Variants in PPP4R2 observed in about 807,000 individuals in gnomAD.
PPP4R2 encodes protein phosphatase 4 regulatory subunit 2.
In PPP4R2, 13 loss-of-function variants were observed where a neutral mutation model predicts 47.2. That is an observed-to-expected ratio of 0.28 (90% CI 0.18 to 0.44). The LOEUF (loss-of-function observed/expected upper bound fraction) is 0.44. PPP4R2 is among the 20% of genes least tolerant of loss of function. The pLI, the probability that PPP4R2 is intolerant of heterozygous loss-of-function variation, is 1.00. For synonymous variants in PPP4R2, 151 were observed against 163.3 expected, an observed-to-expected ratio of 0.92 and a Z score of 0.57; for missense variants, 421 against 491.2, an observed-to-expected ratio of 0.86 and a Z score of 1.35.
At chr3:72,997,864 G>T (rs952456893) in intron 1 of PPP4R2, among the ~76,000 whole-genome samples, 1 of 152,170 alleles carries the variant, frequency 6.6e-6, no homozygotes, top group Admixed American at 6.5e-5. Context: ...GTGAAGTTGA[G>T]TGCCCCCTTT....
intron 2 of PPP4R2, among the ~76,000 whole-genome samples, chr3:73,036,783 G>A (rs1702269561): frequency 6.6e-6 from 1 of 151,892 alleles, no homozygotes; most frequent in Non-Finnish European, 1.5e-5. Flanking sequence ...CATAACTCTG[G>A]GATATACTTT....
intron 2 of PPP4R2, among the ~76,000 whole-genome samples, chr3:73,043,805 A>G (rs1483414354): frequency 1.3e-5 from 2 of 152,232 alleles, no homozygotes; most frequent in African/African-American, 4.8e-5. Flanking sequence ...TGTACAATTT[A>G]TTGCCAGTAA....
At chr3:73,010,406 T>C (rs1701698760) in intron 2 of PPP4R2, among the ~76,000 whole-genome samples, 1 of 152,050 alleles carries the variant, frequency 6.6e-6, no homozygotes, top group Admixed American at 6.6e-5. Context: ...TAAAAAGCTT[T>C]ATTGAGAGGC....
At chr3:73,053,134 G>A (rs1289655566) in intron 3 of PPP4R2, among the ~76,000 whole-genome samples, 1 of 152,146 alleles carries the variant, frequency 6.6e-6, no homozygotes, top group East Asian at 1.9e-4. Context: ...AGTTGCCTGG[G>A]GAAAATAGGT....
At chr3:73,055,053 T>C (rs1424178025) in intron 3 of PPP4R2, among the ~76,000 whole-genome samples, 1 of 152,140 alleles carries the variant, frequency 6.6e-6, no homozygotes, top group African/African-American at 2.4e-5. Context: ...TAAATTAAGA[T>C]ATATAAGGTA....
intron 2 of PPP4R2, among the ~76,000 whole-genome samples, chr3:73,013,432 A>T (rs1177603643): frequency 1.3e-5 from 2 of 152,246 alleles, no homozygotes; most frequent in African/African-American, 4.8e-5. Flanking sequence ...TCATGTGCAA[A>T]GATGATTGAA....
In PPP4R2 at chr3:73,066,883, T is replaced by A. The variant is rs1203797030; in HGVS notation, c.*1161T>A. On this transcript the variant is annotated 3_prime_UTR_variant, in exon 9 of 9. Transcript: ENST00000356692. ...GAACATGCTTCTTCGACAGCCAGTG[T>A]TATATTTTTCAGATCAACACAAAGC... 1 of 152,102 alleles carries A rather than the reference T, an allele frequency of 6.6e-6. No individual in the cohort carries two copies. Among genetic ancestry groups the A allele is most frequent in the Non-Finnish European group, 1.5e-5 (1 of 67,952 alleles). The allele number at this position is 152,102 out of a possible 1,614,324, so 9.4% of individuals were successfully genotyped here. A position where few individuals can be genotyped will look rare whatever the true frequency, so the allele number is the denominator to read the frequency against.
At chr3:73,055,457 T>TGTGTGTG (rs1553650823) in intron 3 of PPP4R2, among the ~76,000 whole-genome samples, 15 of 149,154 alleles carry the variant, frequency 1.0e-4, no homozygotes, top group Non-Finnish European at 1.0e-4. Flanking sequence ...TGTGTGTGTA[T>TGTGTGTG]TAAAATATAT....
intron 2 of PPP4R2, among the ~76,000 whole-genome samples, chr3:73,044,527 A>C (rs9879662): frequency 6.6e-6 from 1 of 152,126 alleles, no homozygotes; most frequent in African/African-American, 2.4e-5. Flanking sequence ...CAGAGGTTGC[A>C]GTGAGCCGAG....
At chr3:73,036,251 G>T (rs759786779) in intron 2 of PPP4R2, among the ~76,000 whole-genome samples, 2 of 152,244 alleles carry the variant, frequency 1.3e-5, no homozygotes, top group East Asian at 3.9e-4. Flanking sequence ...TGAGAAGGGT[G>T]GGGGGCCAGG....
chr3:73,041,044 T>C (rs1037326257), intron 2 of PPP4R2, among the ~76,000 whole-genome samples: 1 of 152,232 alleles, frequency 6.6e-6, no homozygotes, highest in Non-Finnish European at 1.5e-5. Flanking sequence ...TTATTTCTTA[T>C]AATGGCTGTA....
Position 73,065,961 on chromosome 3 carries a change from T to A in PPP4R2, c.*239T>A, listed in dbSNP as rs1364770569. The A allele has an allele frequency of 9.8e-6, 3 of 304,854 alleles. No individual in the cohort carries two copies. Among genetic ancestry groups the A allele is most frequent in the Non-Finnish European group, 1.8e-5 (3 of 168,204 alleles). The allele number at this position is 304,854 out of a possible 1,614,324, so 18.9% of individuals were successfully genotyped here. A position where few individuals can be genotyped will look rare whatever the true frequency, so the allele number is the denominator to read the frequency against. The stretch of plus-strand genomic sequence containing the variant: ...TCTTTCTTTTTTTGGTCTGGGCAAA[T>A]CAGTGGTTTGTGTATAGATTTTTTT... On this transcript the variant is annotated 3_prime_UTR_variant, in exon 9 of 9. Transcript: ENST00000356692.
chr3:73,033,982 A>G (rs1209780561), intron 2 of PPP4R2, among the ~76,000 whole-genome samples: 4 of 152,204 alleles, frequency 2.6e-5, no homozygotes, highest in African/African-American at 9.6e-5. Context: ...GAGGAACTGT[A>G]TTCCACAATG....
rs73838448 is a variant in PPP4R2, at chr3:73,032,020, T to C, written c.117-15166T>C. 1.5e-3 allele frequency among the ~76,000 whole-genome samples: 236 copies of C among 152,340 alleles called. 1 individual carries two copies. Among genetic ancestry groups the C allele is most frequent in the African/African-American group, 5.5e-3 (229 of 41,576 alleles). On this transcript the variant is annotated intron_variant, in intron 2 of 8. Transcript: ENST00000356692. ...GGCTAGGGTTATCTGCCTTAGGCCCTACAAATGAGAAAGTGTTTGAAATAC... is the reference window on the plus strand; with the variant it reads ...GGCTAGGGTTATCTGCCTTAGGCCCCACAAATGAGAAAGTGTTTGAAATAC...
At chr3:73,006,011 T>C (rs1701602648) in intron 2 of PPP4R2, among the ~76,000 whole-genome samples, 1 of 152,068 alleles carries the variant, frequency 6.6e-6, no homozygotes, top group African/African-American at 2.4e-5. Flanking sequence ...ATTGTAATCT[T>C]CCCTCCCTGT....
At chr3:73,052,997 T>C (rs1229028674) in intron 3 of PPP4R2, among the ~76,000 whole-genome samples, 1 of 152,244 alleles carries the variant, frequency 6.6e-6, no homozygotes. Context: ...TTTCAGTTTG[T>C]GTGTTGTTTG....
chr3:73,065,943 T>C lies in PPP4R2; in HGVS notation c.*221T>C, dbSNP rs2107351981. 6.0e-6 allele frequency: 2 copies of C among 335,646 alleles called. No homozygotes were observed. The highest frequency in any genetic ancestry group is 7.8e-4 in the Middle Eastern group (1 of 1,286). The allele number at this position is 335,646 out of a possible 1,614,324, so 20.8% of individuals were successfully genotyped here. On this transcript the variant is annotated 3_prime_UTR_variant, in exon 9 of 9. Transcript: ENST00000356692. The stretch of plus-strand genomic sequence containing the variant: ...TTACCGCTGACTTTTCTTTCTTTCT[T>C]TTTTTGGTCTGGGCAAATCAGTGGT...
rs1702997632 is a variant in PPP4R2 at position 73,066,350 on chromosome 3, CCT to C, written c.*631_*632del. ...TTTCTATTGGTAATGATTGAGTTCA[CCT>C]CTTTCAGAAGACATTTTCTTTCTCT... On this transcript the variant is annotated 3_prime_UTR_variant, in exon 9 of 9. Coordinates refer to ENST00000356692, the MANE Select transcript of PPP4R2 (RefSeq NM_174907.4). 2 of 150,838 alleles carry C rather than the reference CCT, an allele frequency of 1.3e-5. No individual in the cohort carries two copies. Among genetic ancestry groups the C allele is most frequent in the South Asian group, 4.2e-4 (2 of 4,784 alleles). The allele number at this position is 150,838 out of a possible 1,614,324, so 9.3% of individuals were successfully genotyped here. A position where few individuals can be genotyped will look rare whatever the true frequency, so the allele number is the denominator to read the frequency against.
At chr3:73,004,863 GTGTGTGTT>G (rs1225565530) in intron 2 of PPP4R2, among the ~76,000 whole-genome samples, 13 of 51,426 alleles carry the variant, frequency 2.5e-4, no homozygotes, top group East Asian at 5.5e-4. Flanking sequence ...GTGTGTGTGT[GTGTGTGTT>G]TGTTTGTTTG....
Sources: gnomAD v4.1 joint callset for allele counts (sites outside exome capture counted in the v4.1 genomes callset) on GRCh38, gnomAD v4.1.1 for gene constraint, MANE v1.5 for transcripts, NCBI Gene and HGNC (gene_info 2026-07-23, HGNC 2026-07-21) for gene names.